Variants in KAZN observed in about 807,000 individuals in gnomAD.
KAZN encodes kazrin, periplakin interacting protein.
KAZN carries 40 observed loss-of-function variants against 87.4 expected under a neutral mutation model. The ratio of observed to expected loss-of-function variants is 0.46; its 90% CI spans 0.36 to 0.60. KAZN has a LOEUF of 0.60. KAZN is among the 20% of genes least tolerant of loss of function. The pLI, the probability that KAZN is intolerant of heterozygous loss-of-function variation, is 0.00. For missense variants in KAZN, 898 were observed against 1,073.9 expected (o/e 0.84, Z 2.29); for synonymous variants, 466 against 458.3 (o/e 1.02, Z -0.22).
intron 2 of KAZN, among the ~76,000 whole-genome samples, chr1:14,963,275 C>A (rs772115626): frequency 7.9e-5 from 12 of 152,188 alleles, no homozygotes; most frequent in Admixed American, 3.9e-4. Context: ...CTACTGGGTG[C>A]CAACACTCTT....
chr1:14,023,509 G>A (rs1447642243), intron 1 of KAZN, among the ~76,000 whole-genome samples: 1 of 152,154 alleles, frequency 6.6e-6, no homozygotes, highest in East Asian at 1.9e-4. Context: ...CTACAAAGTG[G>A]TCCAGGCAGG....
At chr1:14,428,542 A>G (rs990022907) in intron 2 of KAZN, among the ~76,000 whole-genome samples, 1 of 152,200 alleles carries the variant, frequency 6.6e-6, no homozygotes, top group African/African-American at 2.4e-5. Flanking sequence ...CCTTTAAATT[A>G]TATGTATTAG....
At chr1:14,223,252 T>C (rs1408343226) in intron 2 of KAZN, 2 of 152,234 alleles carry the variant, frequency 1.3e-5, no homozygotes, top group African/African-American at 4.8e-5. Flanking sequence ...GAAACAAAGA[T>C]GGCAGCCTGA....
chr1:14,481,504 G>T (rs1669082632), intron 2 of KAZN, among the ~76,000 whole-genome samples: 1 of 152,146 alleles, frequency 6.6e-6, no homozygotes, highest in Admixed American at 6.5e-5. Context: ...GAACCTCAGA[G>T]GTCAGCAGTA....
chr1:14,154,794 A>G (rs912257967), intron 1 of KAZN, among the ~76,000 whole-genome samples: 1 of 152,182 alleles, frequency 6.6e-6, no homozygotes, highest in African/African-American at 2.4e-5. Context: ...TATGCATCAT[A>G]TTGATTAATT....
chr1:14,249,083 G>A (rs1256488143), intron 2 of KAZN, among the ~76,000 whole-genome samples: 1 of 152,164 alleles, frequency 6.6e-6, no homozygotes, highest in Admixed American at 6.5e-5. Flanking sequence ...TTTACATCCT[G>A]CCTGCTAAAG....
intron 2 of KAZN, among the ~76,000 whole-genome samples, chr1:14,202,862 T>A (rs886202250): frequency 6.6e-5 from 10 of 151,770 alleles, no homozygotes. Context: ...ACTAAACATA[T>A]AAAAAGTTAG....
intron 1 of KAZN, among the ~76,000 whole-genome samples, chr1:14,650,073 T>G (rs1050578551): frequency 7.9e-6 from 1 of 126,272 alleles, no homozygotes; most frequent in Non-Finnish European, 1.6e-5. Context: ...ATAAGGAAAC[T>G]AAAGCCCAGA....
intron 1 of KAZN, among the ~76,000 whole-genome samples, chr1:13,989,213 C>T (rs1024134351): frequency 2.0e-5 from 3 of 152,118 alleles, no homozygotes; most frequent in Admixed American, 2.0e-4. Context: ...CCTCCCAATA[C>T]TATTGCATGG....
intron 1 of KAZN, among the ~76,000 whole-genome samples, chr1:14,082,490 C>T (rs1055891573): frequency 2.0e-5 from 3 of 152,034 alleles, no homozygotes; most frequent in Non-Finnish European, 2.9e-5. Flanking sequence ...AATGACTGCC[C>T]GGAGATGCAA....
At chr1:14,034,814 AG>A (rs1641477761) in intron 1 of KAZN, among the ~76,000 whole-genome samples, 1 of 152,206 alleles carries the variant, frequency 6.6e-6, no homozygotes, top group Non-Finnish European at 1.5e-5. Context: ...TGTGTAATCA[AG>A]GAATGAGGCC....
At chr1:14,572,631 G>A (rs1443961448) in intron 2 of KAZN, among the ~76,000 whole-genome samples, 1 of 152,148 alleles carries the variant, frequency 6.6e-6, no homozygotes, top group Non-Finnish European at 1.5e-5. Context: ...TTGGCCGAGC[G>A]GCTCTGTCGC....
intron 1 of KAZN, among the ~76,000 whole-genome samples, chr1:14,899,822 G>A (rs1023876300): frequency 6.6e-6 from 1 of 152,130 alleles, no homozygotes; most frequent in Non-Finnish European, 1.5e-5. Flanking sequence ...CTTAAGCACT[G>A]TCCTCATTTC....
chr1:14,739,107 A>G (rs1316005187), intron 1 of KAZN, among the ~76,000 whole-genome samples: 1 of 152,138 alleles, frequency 6.6e-6, no homozygotes, highest in Non-Finnish European at 1.5e-5. Flanking sequence ...TGAGCCCAAG[A>G]GTTGAGGTTG....
At chr1:14,194,045 CTG>C (rs1409430328) in intron 2 of KAZN, among the ~76,000 whole-genome samples, 1 of 152,174 alleles carries the variant, frequency 6.6e-6, no homozygotes, top group African/African-American at 2.4e-5. Context: ...TGCCTCCACT[CTG>C]TCATCCTTCC....
chr1:14,481,375 GT>G (rs1157835129), intron 2 of KAZN, among the ~76,000 whole-genome samples: 3 of 151,962 alleles, frequency 2.0e-5, no homozygotes, highest in Non-Finnish European at 4.4e-5. Flanking sequence ...TGGTCTTCTT[GT>G]TGTTTAAGAT....
chr1:15,084,329 G>A (rs1431671049), intron 8 of KAZN, among the ~76,000 whole-genome samples: 1 of 152,238 alleles, frequency 6.6e-6, no homozygotes, highest in Non-Finnish European at 1.5e-5. Context: ...AGTGTGCTGG[G>A]TGGACAGTGC....
At chr1:14,478,161 C>A (rs1318855848) in intron 2 of KAZN, among the ~76,000 whole-genome samples, 1 of 151,324 alleles carries the variant, frequency 6.6e-6, no homozygotes, top group African/African-American at 2.4e-5. Flanking sequence ...CAAGAAAAAT[C>A]CCTAGGACTG....
At chr1:14,952,629 G>A (rs556475871) in intron 1 of KAZN, among the ~76,000 whole-genome samples, 29 of 146,024 alleles carry the variant, frequency 2.0e-4, no homozygotes, top group African/African-American at 7.0e-4. Context: ...AGCTGGGGAC[G>A]GTCCCTCCAA....
Sources: allele counts gnomAD v4.1 joint callset (sites outside exome capture counted in the v4.1 genomes callset), GRCh38; gene constraint gnomAD v4.1.1; transcripts MANE v1.5; gene names NCBI Gene and HGNC (gene_info 2026-07-23, HGNC 2026-07-21).